FAF1: variants seen among roughly 807,000 people sequenced by gnomAD.
FAF1 encodes FAS-associated factor 1.
In FAF1, 25 loss-of-function variants were observed where a neutral mutation model predicts 92.5. The observed-to-expected ratio is 0.27, with a 90% CI of 0.20 to 0.38. The LOEUF is 0.38. FAF1 is among the 10% of genes least tolerant of loss of function. The pLI is 1.00. For synonymous variants in FAF1, 234 were observed against 273.2 expected (o/e 0.86, Z 1.42); for missense variants, 636 against 793.3 (o/e 0.80, Z 2.38).
intron 4 of FAF1, among the ~76,000 whole-genome samples, chr1:50,759,592 A>G (rs1326824902): frequency 1.3e-5 from 2 of 152,066 alleles, no homozygotes; most frequent in African/African-American, 4.8e-5. Context: ...TGCTATTGTG[A>G]ATAGTGCCGC....
chr1:50,765,461 A>C (rs1660529723), intron 4 of FAF1, among the ~76,000 whole-genome samples: 2 of 152,216 alleles, frequency 1.3e-5, no homozygotes, highest in Non-Finnish European at 2.9e-5. Flanking sequence ...CTAAACATTA[A>C]GGATAGGGGA....
At chr1:50,853,488 T>C (rs1457036403) in intron 2 of FAF1, among the ~76,000 whole-genome samples, 6 of 152,048 alleles carry the variant, frequency 3.9e-5, no homozygotes, top group African/African-American at 1.2e-4. Flanking sequence ...TAAAGACAAA[T>C]ATAAGCACTC....
chr1:50,618,188 C>T (rs1653017305), intron 8 of FAF1, among the ~76,000 whole-genome samples: 2 of 151,976 alleles, frequency 1.3e-5, no homozygotes, highest in South Asian at 4.2e-4. Flanking sequence ...CTTCTGCTAG[C>T]TTTGGGGTTT....
intron 1 of FAF1, among the ~76,000 whole-genome samples, chr1:50,917,642 A>AG (rs1644928895): frequency 1.0e-5 from 1 of 99,962 alleles, no homozygotes; most frequent in African/African-American, 3.4e-5. Flanking sequence ...AGGAAAGGAA[A>AG]GGAAAGGAAA....
intron 6 of FAF1, among the ~76,000 whole-genome samples, chr1:50,719,022 T>C (rs1008535502): frequency 1.1e-4 from 16 of 152,218 alleles, no homozygotes; most frequent in Admixed American, 6.5e-5. Flanking sequence ...CTAATGCAGC[T>C]AGCAATGACA....
At chr1:50,510,299 C>T (rs72898974) in intron 15 of FAF1, among the ~76,000 whole-genome samples, 9,940 of 151,888 alleles carry the variant, frequency 0.065, 404 homozygotes, top group East Asian at 0.092. Flanking sequence ...AATAATAATC[C>T]CAATAATATT....
At chr1:50,720,890 T>A (rs1189663034) in intron 6 of FAF1, among the ~76,000 whole-genome samples, 2 of 152,188 alleles carry the variant, frequency 1.3e-5, no homozygotes, top group Non-Finnish European at 2.9e-5. Context: ...TCATAACTTG[T>A]ATCATACCAT....
chr1:50,779,995 C>CACACACACACACACACAA (rs1661110616), intron 4 of FAF1, among the ~76,000 whole-genome samples: 1 of 129,848 alleles, frequency 7.7e-6, no homozygotes, highest in African/African-American at 2.7e-5. Flanking sequence ...CAGACAGACA[C>CACACACACACACACACAA]ACACACACAC....
At chr1:50,733,952 A>G (rs1476460605) in intron 6 of FAF1, among the ~76,000 whole-genome samples, 1 of 151,992 alleles carries the variant, frequency 6.6e-6, no homozygotes, top group Non-Finnish European at 1.5e-5. Flanking sequence ...GTGCACCACC[A>G]CACCCAGATA....
chr1:50,463,127 T>C (rs1482118558), intron 18 of FAF1, among the ~76,000 whole-genome samples: 1 of 152,188 alleles, frequency 6.6e-6, no homozygotes, highest in Non-Finnish European at 1.5e-5. Context: ...GGCATTTTGG[T>C]ATATGTCTGG....
At position 50,546,471 on chromosome 1, in the gene FAF1, T is replaced by C. The variant is rs1473360022; in HGVS notation, c.1269-6743A>G. The stretch of plus-strand genomic sequence containing the variant: ...ACCTTTGCCACCTGGGTTCAAGCGA[T>C]TCTCCTGCCTCAGCTACCTGAGTAG... On this transcript the variant is annotated intron_variant, in intron 13 of 18. Coordinates refer to ENST00000396153, the MANE Select transcript of FAF1 (RefSeq NM_007051.3). 3.9e-5 allele frequency among the ~76,000 whole-genome samples: 6 copies of C among 152,288 alleles called. No individual in the cohort carries two copies. In the South Asian group the frequency reaches 6.2e-4, roughly 16 times the overall value.
At chr1:50,686,333 A>G (rs1332614464) in intron 7 of FAF1, among the ~76,000 whole-genome samples, 2 of 152,114 alleles carry the variant, frequency 1.3e-5, no homozygotes, top group African/African-American at 2.4e-5. Context: ...ACCTGAGGCC[A>G]GGAGATCGAG....
intron 8 of FAF1, among the ~76,000 whole-genome samples, chr1:50,650,330 G>A (rs541190336): frequency 9.9e-5 from 15 of 150,790 alleles, no homozygotes; most frequent in African/African-American, 2.7e-4. Context: ...AGAGTTGGCC[G>A]GGCACAGTGG....
At chr1:50,636,898 T>A (rs1439285597) in intron 8 of FAF1, among the ~76,000 whole-genome samples, 1 of 151,970 alleles carries the variant, frequency 6.6e-6, no homozygotes, top group Non-Finnish European at 1.5e-5. Flanking sequence ...AAGTTATCTA[T>A]CTTTACTGAT....
chr1:50,544,170 G>T (rs1039482304), intron 13 of FAF1, among the ~76,000 whole-genome samples: 1 of 152,084 alleles, frequency 6.6e-6, no homozygotes, highest in African/African-American at 2.4e-5. Context: ...AAGAATTAAG[G>T]TTCCCATATG....
intron 13 of FAF1, among the ~76,000 whole-genome samples, chr1:50,544,850 A>G (rs1572822420): frequency 6.6e-6 from 1 of 152,364 alleles, no homozygotes; most frequent in East Asian, 1.9e-4. Flanking sequence ...TGAAATATTT[A>G]TCTCAGGGAA....
chr1:50,909,397 A>G (rs1644866115), intron 1 of FAF1, among the ~76,000 whole-genome samples: 1 of 152,048 alleles, frequency 6.6e-6, no homozygotes, highest in Non-Finnish European at 1.5e-5. Flanking sequence ...TGTTCTCTGT[A>G]TTTCCTGAAT....
At chr1:50,566,481 A>C (rs1267356025) in intron 13 of FAF1, among the ~76,000 whole-genome samples, 1 of 152,126 alleles carries the variant, frequency 6.6e-6, no homozygotes, top group African/African-American at 2.4e-5. Context: ...AATATGAAGA[A>C]GTGTTAATCA....
intron 6 of FAF1, among the ~76,000 whole-genome samples, chr1:50,721,209 A>T (rs1177656044): frequency 6.6e-6 from 1 of 151,518 alleles, no homozygotes; most frequent in Non-Finnish European, 1.5e-5. Context: ...CACTCTTATC[A>T]CCACGCTGGA....
Sources: allele counts gnomAD v4.1 joint callset (sites outside exome capture counted in the v4.1 genomes callset), GRCh38; gene constraint gnomAD v4.1.1; transcripts MANE v1.5; gene names NCBI Gene and HGNC (gene_info 2026-07-23, HGNC 2026-07-21).